Variants in PCNX2 observed in about 807,000 individuals in gnomAD.
The protein encoded by PCNX2 is pecanex 2.
PCNX2 carries 168 observed loss-of-function variants against 223.8 expected under a neutral mutation model. The ratio of observed to expected loss-of-function variants is 0.75; its 90% CI spans 0.66 to 0.85. The LOEUF (loss-of-function observed/expected upper bound fraction) is 0.85. Among genes scored for constraint, PCNX2 ranks in the 40% least tolerant of loss-of-function variants. The probability of loss-of-function intolerance (pLI) is 0.00; values close to 1 mark genes in which losing one functional copy is unlikely to be tolerated. For synonymous variants in PCNX2, 1,006 were observed against 1,052.6 expected, an observed-to-expected ratio of 0.96 and a Z score of 0.86; for missense variants, 2,507 against 2,675.5, an observed-to-expected ratio of 0.94 and a Z score of 1.39.
At chr1:233,247,519 T>C (rs1659192859) in intron 8 of PCNX2, among the ~76,000 whole-genome samples, 1 of 152,196 alleles carries the variant, frequency 6.6e-6, no homozygotes, top group Non-Finnish European at 1.5e-5. Flanking sequence ...AGATGGAGTC[T>C]TGCCATGTTG....
intron 27 of PCNX2, 72 bp from the exon 28 acceptor site, chr1:233,014,849 G>A: frequency 8.1e-7 from 1 of 1,242,058 alleles, no homozygotes; most frequent in South Asian, 1.2e-5. Flanking sequence ...CATAAATGTA[G>A]AGTGACATTG....
At chr1:233,049,334 T>G (rs958472426) in intron 25 of PCNX2, among the ~76,000 whole-genome samples, 1 of 152,096 alleles carries the variant, frequency 6.6e-6, no homozygotes, top group Non-Finnish European at 1.5e-5. Context: ...GGTCAACATA[T>G]ACAAGTCAAT....
At chr1:233,290,481 C>T (rs746037969) in intron 1 of PCNX2, among the ~76,000 whole-genome samples, 80 of 152,046 alleles carry the variant, frequency 5.3e-4, no homozygotes, top group Non-Finnish European at 8.8e-4. Flanking sequence ...ATTATTTCAG[C>T]TTTGTTGTAT....
chr1:233,221,677 G>C (rs1029987137), intron 10 of PCNX2, among the ~76,000 whole-genome samples: 1 of 152,190 alleles, frequency 6.6e-6, no homozygotes, highest in Non-Finnish European at 1.5e-5. Flanking sequence ...TCCCAGGAGA[G>C]GTAATGAGGG....
intron 1 of PCNX2, among the ~76,000 whole-genome samples, chr1:233,281,635 T>G (rs1661198189): frequency 6.6e-6 from 1 of 152,184 alleles, no homozygotes; most frequent in African/African-American, 2.4e-5. Flanking sequence ...ACATAATTGC[T>G]ACATAAATAA....
chr1:233,081,901 G>C (rs1329030168), intron 23 of PCNX2, among the ~76,000 whole-genome samples: 1 of 152,040 alleles, frequency 6.6e-6, no homozygotes, highest in Non-Finnish European at 1.5e-5. Context: ...TTCCTTTCCA[G>C]ACAGGCCTCT....
chr1:233,171,897 T>C (rs1183809482), intron 17 of PCNX2, among the ~76,000 whole-genome samples: 5 of 152,150 alleles, frequency 3.3e-5, no homozygotes, highest in African/African-American at 9.7e-5. Context: ...TCAATTAGTG[T>C]TATGTTCTGG....
chr1:233,040,315 G>A (rs897766718), intron 25 of PCNX2, among the ~76,000 whole-genome samples: 3 of 152,076 alleles, frequency 2.0e-5, no homozygotes, highest in South Asian at 2.1e-4. Flanking sequence ...AGCTTTCCAC[G>A]CACATGACCC....
intron 25 of PCNX2, among the ~76,000 whole-genome samples, chr1:233,039,039 T>C (rs1438735271): frequency 1.3e-5 from 2 of 152,310 alleles, no homozygotes; most frequent in East Asian, 3.9e-4. Context: ...TCTTGCAGAA[T>C]GAACATTGAA....
chr1:233,007,800 T>C (rs1670336607), intron 28 of PCNX2, among the ~76,000 whole-genome samples: 1 of 148,010 alleles, frequency 6.8e-6, no homozygotes, highest in Non-Finnish European at 1.5e-5. Context: ...TCAGCCTCCC[T>C]GAGCAGTTGG....
the PCNX2 span, among the ~76,000 whole-genome samples, chr1:233,313,039 A>G: frequency 6.6e-6 from 1 of 152,222 alleles, no homozygotes. Flanking sequence ...TTGAAAACCT[A>G]AAGGAAGAAA....
chr1:233,089,846 G>T, intron 23 of PCNX2: 2 of 1,292,196 alleles, frequency 1.5e-6, no homozygotes, highest in Non-Finnish European at 9.8e-7. Context: ...ACTAGTATTC[G>T]TTGGCTAATT....
chr1:233,261,706 G>A (rs1030135678), intron 3 of PCNX2, among the ~76,000 whole-genome samples: 1 of 152,192 alleles, frequency 6.6e-6, no homozygotes, highest in Admixed American at 6.5e-5. Context: ...TCCATTTCAG[G>A]TGGAAGGCAC....
rs1041234779 is a variant in PCNX2, at chr1:233,001,958, G to C, written c.4953-277C>G. Among the ~76,000 whole-genome samples, 12 of 152,256 alleles carry C rather than the reference G, an allele frequency of 7.9e-5. No homozygotes were observed. The highest frequency in any genetic ancestry group is 4.6e-4 in the Admixed American group (7 of 15,288). On this transcript the variant is annotated intron_variant, in intron 28 of 33. Transcript: ENST00000258229. The surrounding 1 kb of genome is among the most constrained non-coding windows in gnomAD (Gnocchi z 4.2). ...CACTGGATGTGACACTAGGATTCCA[G>C]GTCAGAACTGGCCTCACGTGTCCAC... is the stretch of plus-strand genomic sequence containing the variant.
chr1:233,233,065 C>T (rs904091218), intron 9 of PCNX2: 2 of 973,218 alleles, frequency 2.1e-6, no homozygotes, highest in African/African-American at 3.5e-5. Flanking sequence ...GGGTAGACTG[C>T]ACCTGCCTCT....
chr1:233,311,670 T>C, the PCNX2 span, among the ~76,000 whole-genome samples: 1 of 152,196 alleles, frequency 6.6e-6, no homozygotes, highest in Admixed American at 6.5e-5. Flanking sequence ...TACTGCAGCT[T>C]AGCCTATCCT....
chr1:233,047,212 A>G (rs950746397), intron 25 of PCNX2: 1 of 252,232 alleles, frequency 4.0e-6, no homozygotes, highest in African/African-American at 2.3e-5. Context: ...GGGAAATAAT[A>G]CAGCATTGCT....
chr1:233,209,078 T>C (rs370495113), intron 12 of PCNX2, among the ~76,000 whole-genome samples: 1 of 152,336 alleles, frequency 6.6e-6, no homozygotes, highest in East Asian at 1.9e-4. Context: ...CACTGTTTGC[T>C]CTACACTTGG....
At chr1:233,208,208 C>T (rs1558344955) in intron 13 of PCNX2, among the ~76,000 whole-genome samples, 1 of 152,180 alleles carries the variant, frequency 6.6e-6, no homozygotes, top group African/African-American at 2.4e-5. Context: ...ACCCACCGGC[C>T]TCGGCCTCCC....
Sources: gnomAD v4.1 joint callset for allele counts (sites outside exome capture counted in the v4.1 genomes callset) on GRCh38, gnomAD v4.1.1 for gene constraint, Gnocchi (gnomAD v3.1) non-coding constraint, MANE v1.5 for transcripts, NCBI Gene and HGNC (gene_info 2026-07-23, HGNC 2026-07-21) for gene names.